The following TJP1 variants were observed in gnomAD, a reference collection of about 807,000 sequenced individuals.
TJP1 encodes tight junction protein ZO-1.
TJP1 carries 43 observed loss-of-function variants against 194.2 expected under a neutral mutation model. The observed-to-expected ratio is 0.22, with a 90% CI of 0.17 to 0.29. The LOEUF is 0.29. Ranked by LOEUF, TJP1 falls within the 10% of genes least tolerant of loss-of-function variation. The pLI is 1.00. For synonymous variants in TJP1, 801 were observed against 779.0 expected (o/e 1.03, Z -0.47); for missense variants, 1,971 against 2,185.7 (o/e 0.90, Z 1.96).
chr15:29,961,889 A>G (rs950140115), intron 1 of TJP1, among the ~76,000 whole-genome samples: 3 of 152,156 alleles, frequency 2.0e-5, no homozygotes, highest in Non-Finnish European at 4.4e-5. Flanking sequence ...GATAGCCAGC[A>G]CCTGCCCCAA....
At chr15:29,900,278 A>C (rs2053596577) in intron 2 of TJP1, among the ~76,000 whole-genome samples, 1 of 152,158 alleles carries the variant, frequency 6.6e-6, no homozygotes, top group East Asian at 1.9e-4. Flanking sequence ...GTGAGAAGGG[A>C]GAGGTACAGG....
At position 29,718,585 on chromosome 15, in the gene TJP1, G is replaced by A. The variant is rs1353306943; in HGVS notation, c.3557C>T (p.Ala1186Val). The change falls in exon 21 of 28, where the codon GCA becomes GTA. Residue 1186 changes from alanine to valine, a missense_variant. Ala to Val is a moderately conservative substitution (Grantham distance 64). Around this residue, in one of 5 missense-constraint regions of TJP1, gnomAD observed 1,108 missense variants for 1,128.5 expected, o/e 0.98. Transcript: ENST00000614355. ...QPHPSAGPKP[A>V]ESKQYFEQYS... ...TTGCTCAAAATACTGCTTGGACTCT[G>A]CAGGCTTGGGCCCTGCTGAAGGGTG... 6.2e-7 allele frequency: 1 copy of A among 1,614,184 alleles called. No homozygotes were observed. Among genetic ancestry groups the A allele is most frequent in the Non-Finnish European group, 8.5e-7 (1 of 1,180,038 alleles).
intron 2 of TJP1, among the ~76,000 whole-genome samples, chr15:29,847,595 C>T (rs1249047294): frequency 6.6e-6 from 1 of 152,032 alleles, no homozygotes; most frequent in East Asian, 1.9e-4. Flanking sequence ...ACCATCCTAG[C>T]TAACAAGGTG....
chr15:29,949,445 A>ACCACCACCACCTCCACCACCACCAC (rs2055472206), intron 2 of TJP1, among the ~76,000 whole-genome samples: 1 of 137,282 alleles, frequency 7.3e-6, no homozygotes, highest in African/African-American at 2.7e-5. Flanking sequence ...CTCCACCTCC[A>ACCACCACCACCTCCACCACCACCAC]CCTTCACCAC....
chr15:29,786,225 C>T (rs551660566), intron 2 of TJP1, among the ~76,000 whole-genome samples: 1 of 152,112 alleles, frequency 6.6e-6, no homozygotes, highest in African/African-American at 2.4e-5. Context: ...TACTCTCATT[C>T]TTTTAGTTCT....
At chr15:29,782,450 T>C (rs1455423483) in intron 2 of TJP1, among the ~76,000 whole-genome samples, 1 of 152,122 alleles carries the variant, frequency 6.6e-6, no homozygotes, top group Non-Finnish European at 1.5e-5. Flanking sequence ...GGGGAAAGGA[T>C]TCCTTATTCA....
At position 29,804,773 on chromosome 15, in the gene TJP1, T is replaced by C. The variant is rs77848189; in HGVS notation, c.28-4071A>G. On this transcript the variant is annotated intron_variant, in intron 1 of 27. Transcript: ENST00000614355. Reference sequence around the variant, plus strand: ...CTTCTGGTAAATTACCAGTCTCAGGTTCAAGACATTTAGGCTTGTAGGAGA... The same window carrying C: ...CTTCTGGTAAATTACCAGTCTCAGGCTCAAGACATTTAGGCTTGTAGGAGA... Among the ~76,000 whole-genome samples, 730 of 152,256 alleles carry C rather than the reference T, an allele frequency of 4.8e-3. 29 individuals carry two copies. The East Asian group carries it at 0.097, about 20-fold the overall frequency.
At chr15:29,761,085 C>A in intron 8 of TJP1, 54 bp downstream of exon 8, 1 of 1,474,576 alleles carries the variant, frequency 6.8e-7, no homozygotes, top group African/African-American at 1.4e-5. Context: ...ATTTCAGATA[C>A]TGGTATCAAG....
At chr15:29,967,065 G>C (rs1218483961) in intron 1 of TJP1, among the ~76,000 whole-genome samples, 2 of 151,006 alleles carry the variant, frequency 1.3e-5, no homozygotes, top group Admixed American at 1.3e-4. Context: ...CCAGGCTGGA[G>C]TGCAGTGGCA....
chr15:29,967,516 C>T (rs1238642810), intron 1 of TJP1, among the ~76,000 whole-genome samples: 1 of 152,200 alleles, frequency 6.6e-6, no homozygotes, highest in Middle Eastern at 3.2e-3. Flanking sequence ...ACAAGATTCT[C>T]ACTTTACAGA....
Position 29,734,291 on chromosome 15 carries a change from G to A in TJP1, c.1499C>T (p.Ala500Val). The change falls in exon 12 of 28, where the codon GCT becomes GTT. Residue 500 changes from alanine to valine, a missense_variant. Ala to Val is a moderately conservative substitution (Grantham distance 64). Around this residue, in one of 5 missense-constraint regions of TJP1, gnomAD observed 402 missense variants for 484.2 expected, o/e 0.83. Transcript: ENST00000614355. ...CATCTCACCATCCTTCTTCTTCTGA[G>A]CCAATATGGTCACTTCTTCTCCTTT... ...LPKGEEVTIL[A>V]QKKKDVYRRI... 1 of 1,608,874 alleles carries A rather than the reference G, an allele frequency of 6.2e-7. No homozygotes were observed.
intron 2 of TJP1, among the ~76,000 whole-genome samples, chr15:29,775,613 G>C (rs2046966774): frequency 6.6e-6 from 1 of 151,712 alleles, no homozygotes. Context: ...CCATGGCTCA[G>C]AGGGGACTAC....
chr15:29,799,775 T>C (rs902691425), intron 2 of TJP1, among the ~76,000 whole-genome samples: 1 of 152,120 alleles, frequency 6.6e-6, no homozygotes, highest in Admixed American at 6.5e-5. Flanking sequence ...GATCCAAACA[T>C]TCGTGAGATA....
In TJP1 at chr15:29,733,243, C is replaced by G. The variant is rs770158017; in HGVS notation, c.1587G>C (p.Lys529Asn). Residue 529 changes from lysine (K) to asparagine (N), a missense_variant, in exon 13 of 28, where the codon AAG becomes AAC. Around this residue, in one of 5 missense-constraint regions of TJP1, gnomAD observed 402 missense variants for 484.2 expected, o/e 0.83. Transcript: ENST00000614355. ...TAAAACTAAGTCCATAGGGAGATTC[C>G]TTTTCATATTCAAAATGGGTTCTAA... Reference protein sequence around the residue: ...FYIRTHFEYEKESPYGLSFNK... With the variant: ...FYIRTHFEYENESPYGLSFNK... The G allele has an allele frequency of 8.1e-6, 13 of 1,614,050 alleles. No homozygotes were observed. The highest frequency in any genetic ancestry group is 1.0e-5 in the Non-Finnish European group (12 of 1,179,954).
At chr15:29,712,061 A>C (rs2042277402) in intron 23 of TJP1, among the ~76,000 whole-genome samples, 1 of 152,232 alleles carries the variant, frequency 6.6e-6, no homozygotes, top group Non-Finnish European at 1.5e-5. Context: ...TGTAACACAA[A>C]ATTCACACAA....
intron 2 of TJP1, among the ~76,000 whole-genome samples, chr15:29,864,278 G>C (rs1381013554): frequency 6.9e-6 from 1 of 144,652 alleles, no homozygotes; most frequent in Admixed American, 7.0e-5. Context: ...GGGTGTGGTG[G>C]TGTGTGCCTG....
intron 2 of TJP1, among the ~76,000 whole-genome samples, chr15:29,932,311 A>T (rs72625154): frequency 0.15 from 22,612 of 152,208 alleles, 2,056 homozygotes; most frequent in East Asian, 0.37. Context: ...AGGGAAAATA[A>T]GAGAGAAACA....
At chr15:29,756,154 C>T (rs1236916265) in intron 8 of TJP1, among the ~76,000 whole-genome samples, 1 of 152,092 alleles carries the variant, frequency 6.6e-6, no homozygotes, top group East Asian at 1.9e-4. Context: ...ATGATACCCA[C>T]TCAGTAATCA....
chr15:29,920,670 G>A (rs1338671795), intron 2 of TJP1, among the ~76,000 whole-genome samples: 1 of 152,136 alleles, frequency 6.6e-6, no homozygotes, highest in Non-Finnish European at 1.5e-5. Context: ...TGAGTGGGAG[G>A]AGCGGCCACT....
Sources: gnomAD v4.1 joint callset for allele counts (sites outside exome capture counted in the v4.1 genomes callset) on GRCh38, gnomAD v4.1.1 for gene constraint, gnomAD v4.1.1 regional missense constraint, MANE v1.5 for transcripts, NCBI Gene and HGNC (gene_info 2026-07-23, HGNC 2026-07-21) for gene names.